Variants in ARHGAP5 observed in about 807,000 individuals in gnomAD.
ARHGAP5 encodes the protein rho GTPase-activating protein 5.
A neutral mutation model predicts 116.6 loss-of-function variants in ARHGAP5; 23 were observed. That is an observed-to-expected ratio of 0.20 (90% CI 0.14 to 0.28). ARHGAP5 has a LOEUF of 0.28. ARHGAP5 is among the 10% of genes least tolerant of loss of function. ARHGAP5 has a pLI of 1.00. For synonymous variants in ARHGAP5, 574 were observed against 602.0 expected (o/e 0.95, Z 0.68); for missense variants, 1,405 against 1,774.8 (o/e 0.79, Z 3.74).
At position 32,092,434 on chromosome 14, in the gene ARHGAP5, G is replaced by T. The variant is rs771017864; in HGVS notation, c.1765G>T (p.Asp589Tyr). The T allele has an allele frequency of 3.1e-6, 5 of 1,613,662 alleles. No homozygotes were observed. The highest frequency in any genetic ancestry group is 4.2e-6 in the Non-Finnish European group (5 of 1,179,846). Residue 589 changes from aspartate (D) to tyrosine (Y), a missense_variant, in exon 2 of 7, where the codon GAT (aspartate) becomes TAT (tyrosine). This residue lies in a region of ARHGAP5 where 944 missense variants were observed against 1,095.3 expected (regional missense o/e 0.86). Transcript: ENST00000345122. This position sits in a 1 kb window ranked among gnomAD's most constrained non-coding sequence, Gnocchi z 4.1. ...LDHGRLRLYH[D>Y]STNIDKVNLF... Reference sequence around the variant, plus strand: ...TCATGGCCGCTTAAGATTATATCACGATAGTACCAATATAGATAAAGTTAA... The same window carrying T: ...TCATGGCCGCTTAAGATTATATCACTATAGTACCAATATAGATAAAGTTAA...
chr14:32,115,527 G>T (rs1267118153), intron 2 of ARHGAP5, among the ~76,000 whole-genome samples: 2 of 151,878 alleles, frequency 1.3e-5, no homozygotes, highest in Non-Finnish European at 1.5e-5. Context: ...TTAGCCGGGC[G>T]TGGTGGCGGG....
At chr14:32,118,899 A>G (rs939168622) in intron 3 of ARHGAP5, among the ~76,000 whole-genome samples, 5 of 152,150 alleles carry the variant, frequency 3.3e-5, no homozygotes, top group African/African-American at 1.2e-4. Flanking sequence ...TTTCTTGAAT[A>G]TTTCTTAGTA....
In ARHGAP5 at chr14:32,158,390, T is replaced by TA. The variant is rs1027056411; in HGVS notation, c.*3443dup. The stretch of plus-strand genomic sequence containing the variant: ...GCACAGATTTCTAAGACTAAGATCT[T>TA]ACCTGGATGTGATTTTTGAGCTGTG... On this transcript the variant is annotated 3_prime_UTR_variant, in exon 7 of 7. Coordinates refer to ENST00000345122, the MANE Select transcript of ARHGAP5 (RefSeq NM_001030055.2). The TA allele has an allele frequency of 6.6e-6, 1 of 151,964 alleles. No homozygotes were observed. The highest frequency in any genetic ancestry group is 2.4e-5 in the African/African-American group (1 of 41,444). The allele number at this position is 151,964 out of a possible 1,614,324, so 9.4% of individuals were successfully genotyped here.
chr14:32,105,994 A>C (rs895728443), intron 2 of ARHGAP5, among the ~76,000 whole-genome samples: 1 of 152,212 alleles, frequency 6.6e-6, no homozygotes, highest in Non-Finnish European at 1.5e-5. Context: ...ATATGGATAC[A>C]TCAGTGTTTT....
intron 6 of ARHGAP5, chr14:32,154,100 C>G (rs935038615): frequency 5.2e-5 from 8 of 153,658 alleles, no homozygotes; most frequent in African/African-American, 1.9e-4. Context: ...GTTTCTGTTG[C>G]CAGAAACTCA....
At position 32,156,704 on chromosome 14, in the gene ARHGAP5, T is replaced by A. The variant is rs1881910185; in HGVS notation, c.*1756T>A. On this transcript the variant is annotated 3_prime_UTR_variant, in exon 7 of 7. Transcript: ENST00000345122. The stretch of plus-strand genomic sequence containing the variant: ...CTTATACCTATTGTCTATATAGCTT[T>A]AATTTATAGTTGTCAGTTTAACTAT... 6.6e-6 allele frequency: 1 copy of A among 152,386 alleles called. No homozygotes were observed. The highest frequency in any genetic ancestry group is 2.4e-5 in the African/African-American group (1 of 41,438). 9.4% of individuals were successfully genotyped at this position (152,386 alleles called of 1,614,324 possible). A position where few individuals can be genotyped will look rare whatever the true frequency, so the allele number is the denominator to read the frequency against.
intron 1 of ARHGAP5, among the ~76,000 whole-genome samples, chr14:32,089,502 A>T (rs184427628): frequency 2.0e-5 from 3 of 152,082 alleles, no homozygotes; most frequent in Non-Finnish European, 2.9e-5. Context: ...AAACTTTTTT[A>T]AAAGACCAAT....
At chr14:32,096,971 G>A (rs1878555409) in intron 2 of ARHGAP5, among the ~76,000 whole-genome samples, 1 of 152,130 alleles carries the variant, frequency 6.6e-6, no homozygotes, top group Non-Finnish European at 1.5e-5. Flanking sequence ...TTAAGAACTT[G>A]GCAGCACAAC....
chr14:32,145,894 C>T (rs1243416977), intron 3 of ARHGAP5, among the ~76,000 whole-genome samples: 1 of 152,072 alleles, frequency 6.6e-6, no homozygotes, highest in Non-Finnish European at 1.5e-5. Context: ...CGAAATTGTA[C>T]ATAAGATTAA....
intron 2 of ARHGAP5, among the ~76,000 whole-genome samples, chr14:32,098,189 G>T (rs764170252): frequency 6.6e-6 from 1 of 152,192 alleles, no homozygotes; most frequent in East Asian, 1.9e-4. Context: ...AATGGTGGTA[G>T]TGTGTATGCT....
At chr14:32,100,984 CTTGA>C (rs1878765479) in intron 2 of ARHGAP5, among the ~76,000 whole-genome samples, 1 of 152,040 alleles carries the variant, frequency 6.6e-6, no homozygotes, top group African/African-American at 2.4e-5. Flanking sequence ...TTATTTTTAG[CTTGA>C]TTAAGATAAA....
chr14:32,094,092 C>T lies in ARHGAP5; in HGVS notation c.3423C>T (p.Thr1141=), dbSNP rs1594348412. The T allele has an allele frequency of 1.9e-6, 3 of 1,613,986 alleles. No homozygotes were observed. Among genetic ancestry groups the T allele is most frequent in the East Asian group, 2.2e-5 (1 of 44,870 alleles). Reference sequence around the variant, plus strand: ...AAGAAAATGGGTTTTCTGATAGAACCTCAAAAAGTCATGGGGAACGGAGGC... The same window carrying T: ...AAGAAAATGGGTTTTCTGATAGAACTTCAAAAAGTCATGGGGAACGGAGGC... ...GDEENGFSDR[T]SKSHGERRPS... is the part of the protein sequence containing the mutation. Residue 1141 remains threonine, a synonymous_variant, in exon 2 of 7, where the codon ACC becomes ACT. Coordinates refer to ENST00000345122, the MANE Select transcript of ARHGAP5 (RefSeq NM_001030055.2).
At chr14:32,141,699 G>C (rs1413540154) in intron 3 of ARHGAP5, among the ~76,000 whole-genome samples, 1 of 152,036 alleles carries the variant, frequency 6.6e-6, no homozygotes, top group African/African-American at 2.4e-5. Flanking sequence ...GTATACTAGT[G>C]ACAATCTCTC....
At chr14:32,136,700 G>A (rs1880822006) in intron 3 of ARHGAP5, among the ~76,000 whole-genome samples, 1 of 152,174 alleles carries the variant, frequency 6.6e-6, no homozygotes, top group African/African-American at 2.4e-5. Flanking sequence ...TTCTACAGCA[G>A]CTACACTATT....
intron 3 of ARHGAP5, among the ~76,000 whole-genome samples, chr14:32,130,626 C>T (rs139452454): frequency 1.0e-3 from 152 of 152,118 alleles, no homozygotes; most frequent in East Asian, 3.7e-3. Flanking sequence ...CTGCAACCTC[C>T]GCCTCCTGGG....
intron 1 of ARHGAP5, among the ~76,000 whole-genome samples, chr14:32,086,648 CAT>C (rs2041832182): frequency 6.6e-6 from 1 of 151,680 alleles, no homozygotes; most frequent in African/African-American, 2.4e-5. Flanking sequence ...TGAAAAGGTA[CAT>C]GTTTTAGTTC....
chr14:32,109,337 A>G (rs906437609), intron 2 of ARHGAP5, among the ~76,000 whole-genome samples: 4 of 152,022 alleles, frequency 2.6e-5, no homozygotes, highest in African/African-American at 7.2e-5. Context: ...TATGTACTTC[A>G]TATTTTTATC....
At chr14:32,145,252 T>C (rs1331551240) in intron 3 of ARHGAP5, among the ~76,000 whole-genome samples, 2 of 152,168 alleles carry the variant, frequency 1.3e-5, no homozygotes. Context: ...CAGCCTCTGC[T>C]GACACTCCAG....
chr14:32,145,441 G>A (rs1413091586), intron 3 of ARHGAP5, among the ~76,000 whole-genome samples: 2 of 150,616 alleles, frequency 1.3e-5, no homozygotes, highest in Non-Finnish European at 2.9e-5. Context: ...ACTAGGGAAA[G>A]CAGACTTCTT....
Sources: allele counts gnomAD v4.1 joint callset (sites outside exome capture counted in the v4.1 genomes callset), GRCh38; gene constraint gnomAD v4.1.1; regional missense constraint gnomAD v4.1.1; non-coding constraint Gnocchi (gnomAD v3.1); transcripts MANE v1.5; gene names NCBI Gene and HGNC (gene_info 2026-07-23, HGNC 2026-07-21).